The following DLST variants were observed in gnomAD, a reference collection of about 807,000 sequenced individuals.
The protein encoded by DLST is dihydrolipoyllysine-residue succinyltransferase component of 2-oxoglutarate dehydrogenase complex, mitochondrial.
DLST carries 17 observed loss-of-function variants against 53.1 expected under a neutral mutation model. The ratio of observed to expected loss-of-function variants is 0.32; its 90% CI spans 0.22 to 0.48. DLST has a LOEUF of 0.48. DLST is among the 20% of genes least tolerant of loss of function. The pLI is 0.99. For synonymous variants in DLST, 206 were observed against 204.8 expected, an observed-to-expected ratio of 1.01 and a Z score of -0.05; for missense variants, 512 against 583.9, an observed-to-expected ratio of 0.88 and a Z score of 1.27.
chr14:74,885,287 A>G (rs535568956), intron 2 of DLST, among the ~76,000 whole-genome samples: 29 of 152,312 alleles, frequency 1.9e-4, no homozygotes, highest in African/African-American at 6.3e-4. Context: ...GAATAATGAA[A>G]AGTTCTGGCT....
Position 74,894,308 on chromosome 14 carries a change from T to C in DLST, c.673-4T>C, listed in dbSNP as rs1884007374. 6.2e-7 allele frequency: 1 copy of C among 1,613,776 alleles called. No homozygotes were observed. On this transcript the variant is annotated splice_region_variant and splice_polypyrimidine_tract_variant and intron_variant, in intron 9 of 14. Coordinates refer to ENST00000334220, the MANE Select transcript of DLST (RefSeq NM_001933.5). ...GTCAATGCTTGTTCCACTCTTACTTTCAGGAGAAAATGAACAGGATGCGGC... is the reference window on the plus strand; with the variant it reads ...GTCAATGCTTGTTCCACTCTTACTTCCAGGAGAAAATGAACAGGATGCGGC...
At chr14:74,885,444 A>G (rs1883668533) in intron 2 of DLST, 142 bp from the exon 3 acceptor site, 2 of 869,158 alleles carry the variant, frequency 2.3e-6, no homozygotes, top group African/African-American at 1.7e-5. Context: ...TTTGAGAAGC[A>G]GGACTCTATG....
rs750682085 is a variant in DLST at position 74,901,198 on chromosome 14, G to A, written c.1192G>A (p.Gly398Ser). The change falls in exon 14 of 15, where the codon GGC becomes AGC. Residue 398 changes from glycine (G) to serine (S), a missense_variant. Physicochemically the swap from Gly to Ser is moderately conservative, Grantham distance 56. Coordinates refer to ENST00000334220, the MANE Select transcript of DLST (RefSeq NM_001933.5). ...PPQSAILGMH[G>S]IFDRPVAIGG... ...TCAGTCTGCCATCCTGGGGATGCAT[G>A]GCATCTTTGACAGGCCAGTGGCTAT... is the stretch of plus-strand genomic sequence containing the variant. 9 of 1,614,124 alleles carry A rather than the reference G, an allele frequency of 5.6e-6. No homozygotes were observed. Among genetic ancestry groups the A allele is most frequent in the Non-Finnish European group, 6.8e-6 (8 of 1,179,996 alleles).
intron 3 of DLST, 106 bp from the exon 4 acceptor site, chr14:74,888,989 G>A (rs987469277): frequency 7.9e-6 from 9 of 1,140,848 alleles, no homozygotes; most frequent in African/African-American, 1.5e-5. Context: ...GGACACCCCT[G>A]GTCAAGAGTC....
chr14:74,902,144 A>C, intron 14 of DLST, 52 bp from the exon 15 acceptor site: 15 of 1,479,760 alleles, frequency 1.0e-5, no homozygotes, highest in Non-Finnish European at 1.3e-5. Context: ...TCCTTCAGCG[A>C]GGCTGGCTGT....
intron 5 of DLST, chr14:74,889,583 C>T (rs534544393): frequency 1.0e-4 from 55 of 540,076 alleles, no homozygotes; most frequent in Non-Finnish European, 1.7e-4. Context: ...GTTGGTCAGG[C>T]TGGTCTCAAA....
chr14:74,885,712 T>G (rs1883680488), intron 3 of DLST, 78 bp downstream of exon 3: 3 of 1,398,058 alleles, frequency 2.1e-6, no homozygotes, highest in African/African-American at 1.5e-5. Context: ...TTTGACCATC[T>G]GATTTCTTCA....
At chr14:74,893,090 G>C (rs781701958) in intron 8 of DLST, 104 bp downstream of exon 8, 10 of 1,387,676 alleles carry the variant, frequency 7.2e-6, no homozygotes, top group Non-Finnish European at 9.7e-6. Flanking sequence ...AGGCCAGGTT[G>C]GCTGCTTTGT....
Position 74,902,139 on chromosome 14 carries a change from C to T in DLST, c.1228-57C>T, listed in dbSNP as rs1884270556. On this transcript the variant is annotated intron_variant, in intron 14 of 14. Transcript: ENST00000334220. ...CTTATGGGCTGTGCTAAATCTCCTTCAGCGAGGCTGGCTGTGGCTTGCTGG... is the reference window on the plus strand; with the variant it reads ...CTTATGGGCTGTGCTAAATCTCCTTTAGCGAGGCTGGCTGTGGCTTGCTGG... The T allele has an allele frequency of 3.3e-5, 48 of 1,471,206 alleles. 1 individual carries two copies. In the South Asian group the frequency reaches 6.5e-4, roughly 20 times the overall value. The allele number at this position is 1,471,206 out of a possible 1,614,324, so 91.1% of individuals were successfully genotyped here.
Position 74,899,931 on chromosome 14 carries a change from G to T in DLST, c.910G>T (p.Asp304Tyr). 6.2e-7 allele frequency: 1 copy of T among 1,612,464 alleles called. No individual in the cohort carries two copies. The highest frequency in any genetic ancestry group is 1.1e-5 in the South Asian group (1 of 90,898). Residue 304 changes from aspartate to tyrosine, a missense_variant, in exon 12 of 15, where the codon GAC becomes TAC. Physicochemically the swap from Asp to Tyr is radical, Grantham distance 160 (BLOSUM62 -3). Transcript: ENST00000334220. Reference sequence around the variant, plus strand: ...TATTTTCTCTCTCATAGTGATTGACGACACAACCAAAGAGGTGGTGTATAG... The same window carrying T: ...TATTTTCTCTCTCATAGTGATTGACTACACAACCAAAGAGGTGGTGTATAG... ...EQPVVNAVIDDTTKEVVYRDY... is the reference protein window; with the variant it reads ...EQPVVNAVIDYTTKEVVYRDY...
chr14:74,892,901 A>C lies in DLST; in HGVS notation c.510A>C (p.Ala170=), dbSNP rs549995775. 27 of 1,614,184 alleles carry C rather than the reference A, an allele frequency of 1.7e-5. No homozygotes were observed. In the East Asian group the frequency reaches 3.6e-4, roughly 21 times the overall value. ...AAAAPKAEPT[A]AAVPPPAAPI... ...CAGCCCCAAAAGCAGAACCTACAGC[A>C]GCGGCAGTTCCTCCCCCTGCAGCAC... The change falls in exon 8 of 15, where the codon GCA becomes GCC. Residue 170 remains alanine (A), a synonymous_variant. Transcript: ENST00000334220.
intron 6 of DLST, among the ~76,000 whole-genome samples, 172 bp downstream of exon 6, chr14:74,890,124 CTTTTTTT>C (rs34237381): frequency 9.4e-5 from 8 of 85,104 alleles, no homozygotes; most frequent in Non-Finnish European, 1.7e-4. Flanking sequence ...TTACATTTAA[CTTTTTTT>C]TTTTTTTTTT....
intron 13 of DLST, among the ~76,000 whole-genome samples, chr14:74,900,751 G>T (rs1010851188): frequency 1.3e-5 from 2 of 152,152 alleles, no homozygotes; most frequent in Non-Finnish European, 2.9e-5. Context: ...TAGAGGCAGG[G>T]TCTCGCTGTG....
intron 1 of DLST, among the ~76,000 whole-genome samples, chr14:74,882,385 TTAA>T (rs1883554898): frequency 6.6e-6 from 1 of 152,174 alleles, no homozygotes; most frequent in African/African-American, 2.4e-5. Flanking sequence ...TCAGTGGGTA[TTAA>T]TGAGTCCCGT....
chr14:74,882,062 G>C (rs759529123), intron 1 of DLST, 46 bp downstream of exon 1: 31 of 1,458,422 alleles, frequency 2.1e-5, no homozygotes, highest in Non-Finnish European at 1.7e-5. Flanking sequence ...GGAGTCTGTT[G>C]GCGGGCAGAG....
At position 74,902,547 on chromosome 14, in the gene DLST, T is replaced by C. The variant is rs1884295023; in HGVS notation, c.*217T>C. 1 of 450,532 alleles carries C rather than the reference T, an allele frequency of 2.2e-6. No homozygotes were observed. Among genetic ancestry groups the C allele is most frequent in the African/African-American group, 2.0e-5 (1 of 51,038 alleles). The allele number at this position is 450,532 out of a possible 1,614,324, so 27.9% of individuals were successfully genotyped here. A position where few individuals can be genotyped will look rare whatever the true frequency, so the allele number is the denominator to read the frequency against. The stretch of plus-strand genomic sequence containing the variant: ...TGCACCTGTCTCATAGCCTCGAATA[T>C]CTTAATTCCTTAGGCTTAAGAGAGA... On this transcript the variant is annotated 3_prime_UTR_variant, in exon 15 of 15. Transcript: ENST00000334220.
intron 12 of DLST, 107 bp from the exon 13 acceptor site, chr14:74,900,182 A>G (rs1007996628): frequency 1.7e-6 from 2 of 1,151,306 alleles, no homozygotes; most frequent in African/African-American, 1.5e-5. Context: ...CACACTGAGT[A>G]ATGAAGGTAT....
At chr14:74,891,856 C>T (rs1418278111) in intron 7 of DLST, 2 of 985,256 alleles carry the variant, frequency 2.0e-6, no homozygotes, top group Non-Finnish European at 2.4e-6. Flanking sequence ...GTTAGTCAGG[C>T]AAGACCAGAA....
At position 74,900,306 on chromosome 14, in the gene DLST, C is replaced by A; in HGVS notation, c.993C>A (p.Val331=). 3 of 1,613,932 alleles carry A rather than the reference C, an allele frequency of 1.9e-6. No homozygotes were observed. In the South Asian group the frequency reaches 3.3e-5, roughly 18 times the overall value. ...CCCTTCAGGGTCTGGTGGTTCCAGT[C>A]ATCAGGAATGTGGAAGCTATGAATT... The part of the protein sequence containing the change: ...VATPRGLVVP[V]IRNVEAMNFA... The change falls in exon 13 of 15, where the codon GTC becomes GTA. Residue 331 remains valine (V), a synonymous_variant. Coordinates refer to ENST00000334220, the MANE Select transcript of DLST (RefSeq NM_001933.5).
Sources: allele counts gnomAD v4.1 joint callset (sites outside exome capture counted in the v4.1 genomes callset), GRCh38; gene constraint gnomAD v4.1.1; transcripts MANE v1.5; gene names NCBI Gene and HGNC (gene_info 2026-07-23, HGNC 2026-07-21).